The following TWF1 variants were observed in gnomAD, a reference collection of about 807,000 sequenced individuals.
TWF1 encodes twinfilin actin binding protein 1, also known as twinfilin-1.
Under a neutral mutation model 47.9 loss-of-function variants are expected in TWF1, and 14 were observed. The observed-to-expected ratio is 0.29, with a 90% CI of 0.19 to 0.46. The LOEUF (loss-of-function observed/expected upper bound fraction) is 0.46. Among genes scored for constraint, TWF1 ranks in the 20% least tolerant of loss-of-function variants. The probability of loss-of-function intolerance (pLI) is 1.00; values close to 1 mark genes in which losing one functional copy is unlikely to be tolerated. For synonymous variants in TWF1, 96 were observed against 139.2 expected (o/e 0.69, Z 2.18); for missense variants, 281 against 409.3 (o/e 0.69, Z 2.70).
chr12:43,805,476 C>G, intron 1 of TWF1: 1 of 450,056 alleles, frequency 2.2e-6, no homozygotes, highest in Non-Finnish European at 4.5e-6. Context: ...GTTAAGTGAT[C>G]GCGAGTAACC....
rs549321798 is a variant in TWF1 at position 43,801,027 on chromosome 12, C to T, written c.283-497G>A. On this transcript the variant is annotated intron_variant, in intron 3 of 8. Transcript: ENST00000395510. ...TCGGCTTCCCAAAGTTTAGGGATTA[C>T]AGGCATGAGCCACCGTGCCTGGCCA... 1.1e-4 allele frequency among the ~76,000 whole-genome samples: 17 copies of T among 152,266 alleles called. No homozygotes were observed. In the East Asian group the frequency reaches 2.5e-3, roughly 22 times the overall value.
chr12:43,806,094 G>A, intron 1 of TWF1, 127 bp downstream of exon 1: 1 of 1,519,872 alleles, frequency 6.6e-7, no homozygotes, highest in Non-Finnish European at 8.8e-7. Flanking sequence ...CCGAGGCCCG[G>A]CTCGCCCCGC....
chr12:43,800,434 C>A lies in TWF1; in HGVS notation c.378+1G>T. 1 of 1,608,816 alleles carries A rather than the reference C, an allele frequency of 6.2e-7. No homozygotes were observed. Among genetic ancestry groups the A allele is most frequent in the Non-Finnish European group, 8.5e-7 (1 of 1,176,710 alleles). The stretch of plus-strand genomic sequence containing the variant: ...ATAGAATCCACATACAAACATAATA[C>A]CTTTACTGTTCCAAATACTTCATCT... On this transcript the variant is annotated splice_donor_variant, in intron 4 of 8. Coordinates refer to ENST00000395510, the MANE Select transcript of TWF1 (RefSeq NM_002822.5). LOFTEE classifies it high-confidence loss of function.
At chr12:43,801,779 C>G (rs1465166583) in intron 3 of TWF1, among the ~76,000 whole-genome samples, 1 of 152,146 alleles carries the variant, frequency 6.6e-6, no homozygotes, top group Non-Finnish European at 1.5e-5. Flanking sequence ...CCTGTAATCC[C>G]AGCACTTTGG....
chr12:43,795,827 G>C, intron 8 of TWF1, 72 bp from the exon 9 acceptor site: 1 of 1,467,794 alleles, frequency 6.8e-7, no homozygotes, highest in Non-Finnish European at 9.4e-7. Flanking sequence ...TCAGGTATAT[G>C]AATGCTCACA....
At position 43,797,373 on chromosome 12, in the gene TWF1, G is replaced by A. The variant is rs1942572993; in HGVS notation, c.689C>T (p.Pro230Leu). 6.2e-7 allele frequency: 1 copy of A among 1,605,470 alleles called. No homozygotes were observed. The highest frequency in any genetic ancestry group is 8.5e-7 in the Non-Finnish European group (1 of 1,176,516). ...TELKDLPKRI[P>L]KDSARYHFFL... is the part of the protein sequence containing the mutation. The stretch of plus-strand genomic sequence containing the variant: ...GAAATGGTAACGAGCTGAATCCTTG[G>A]GAATCCTCTTTGGCAAATCTTTCAG... Residue 230 changes from proline (P) to leucine (L), a missense_variant, in exon 7 of 9, where the codon CCC (proline) becomes CTC (leucine). Physicochemically the swap from Pro to Leu is moderately conservative, Grantham distance 98 (BLOSUM62 -3). Transcript: ENST00000395510.
chr12:43,797,905 C>T (rs1942584350), intron 5 of TWF1, 72 bp from the exon 6 acceptor site: 1 of 1,496,740 alleles, frequency 6.7e-7, no homozygotes, highest in Non-Finnish European at 9.1e-7. Flanking sequence ...GAAAACCCAA[C>T]CTCTATAAAA....
intron 1 of TWF1, chr12:43,805,642 G>A (rs1942747345): frequency 1.7e-6 from 1 of 577,380 alleles, no homozygotes; most frequent in Admixed American, 2.3e-5. Context: ...GAGTATCTAG[G>A]AAAAAGATCA....
Position 43,794,997 on chromosome 12 carries a change from A to C in TWF1, c.*588T>G, listed in dbSNP as rs1942524439. On this transcript the variant is annotated 3_prime_UTR_variant, in exon 9 of 9. Coordinates refer to ENST00000395510, the MANE Select transcript of TWF1 (RefSeq NM_002822.5). ...ATATCTGGTACCCTTAAAGTTTCAGAGTGAGCTGATCTGCAATTTTAATGC... is the reference window on the plus strand; with the variant it reads ...ATATCTGGTACCCTTAAAGTTTCAGCGTGAGCTGATCTGCAATTTTAATGC... 1.3e-5 allele frequency: 2 copies of C among 152,200 alleles called. No homozygotes were observed. Among genetic ancestry groups the C allele is most frequent in the Non-Finnish European group, 2.9e-5 (2 of 68,030 alleles). The allele number at this position is 152,200 out of a possible 1,614,324, so 9.4% of individuals were successfully genotyped here. A position where few individuals can be genotyped will look rare whatever the true frequency, so the allele number is the denominator to read the frequency against.
rs1942581822 is a variant in TWF1, at chr12:43,797,806, T to C, written c.511A>G (p.Lys171Glu). ...EVQTDVGVDT[K>E]HQTLQGVAFP... ...GCTACTCCTTGTAGTGTTTGATGCT[T>C]AGTGTCCACACCCACGTCAGTCTGT... Residue 171 changes from lysine to glutamate, a missense_variant, in exon 6 of 9, where the codon AAG (lysine) becomes GAG (glutamate). Lys to Glu is a moderately conservative substitution (Grantham distance 56). Transcript: ENST00000395510. The C allele has an allele frequency of 6.2e-7, 1 of 1,613,304 alleles. No homozygotes were observed.
chr12:43,799,226 C>G, intron 5 of TWF1, among the ~76,000 whole-genome samples, 172 bp downstream of exon 5: 1 of 151,640 alleles, frequency 6.6e-6, no homozygotes, highest in South Asian at 2.1e-4. Flanking sequence ...TTCATTTTAA[C>G]TTTTTTTTTC....
At chr12:43,798,503 G>C in intron 5 of TWF1, 1 of 1,427,638 alleles carries the variant, frequency 7.0e-7, no homozygotes, top group Non-Finnish European at 9.2e-7. Flanking sequence ...AATGAATGGA[G>C]ATTCTACAGC....
At chr12:43,804,725 C>T (rs7972804) in intron 1 of TWF1, among the ~76,000 whole-genome samples, 153 bp from the exon 2 acceptor site, 5,978 of 152,156 alleles carry the variant, frequency 0.039, 142 homozygotes, top group African/African-American at 0.048. Context: ...CATAAAATAA[C>T]GAAGACTGTA....
intron 1 of TWF1, 130 bp from the exon 2 acceptor site, chr12:43,804,702 T>C: frequency 1.8e-6 from 1 of 564,022 alleles, no homozygotes. Flanking sequence ...ATCAGTATTA[T>C]AAAACTTTAC....
intron 1 of TWF1, 141 bp downstream of exon 1, chr12:43,806,080 G>A (rs1185795973): frequency 3.3e-6 from 5 of 1,518,194 alleles, no homozygotes; most frequent in Non-Finnish European, 4.4e-6. Context: ...AGCGCGGAGA[G>A]GCGCCGAGGC....
chr12:43,796,639 T>C (rs1323269559), intron 8 of TWF1, among the ~76,000 whole-genome samples: 1 of 152,088 alleles, frequency 6.6e-6, no homozygotes, highest in Non-Finnish European at 1.5e-5. Flanking sequence ...TTTGCACTGA[T>C]GGAAATGTCC....
In TWF1 at chr12:43,797,083, T is replaced by G. The variant is rs768716931; in HGVS notation, c.775A>C (p.Met259Leu). 1 of 1,594,936 alleles carries G rather than the reference T, an allele frequency of 6.3e-7. No individual in the cohort carries two copies. Among genetic ancestry groups the G allele is most frequent in the Non-Finnish European group, 8.5e-7 (1 of 1,172,864 alleles). Residue 259 changes from methionine to leucine, a missense_variant, in exon 8 of 9, where the codon ATG becomes CTG. Met to Leu is a conservative substitution (Grantham distance 15). Coordinates refer to ENST00000395510, the MANE Select transcript of TWF1 (RefSeq NM_002822.5). Reference protein sequence around the residue: ...YLESIVFIYSMPGYTCSIRER... With the variant: ...YLESIVFIYSLPGYTCSIRER... ...CTTATACTGCATGTGTATCCAGGCATTGAATAAATAAAAACTGTAAGTTCA... is the reference window on the plus strand; with the variant it reads ...CTTATACTGCATGTGTATCCAGGCAGTGAATAAATAAAAACTGTAAGTTCA...
At chr12:43,795,808 A>C in intron 8 of TWF1, 53 bp from the exon 9 acceptor site, 1 of 1,587,328 alleles carries the variant, frequency 6.3e-7, no homozygotes. Context: ...ACAAGCAACA[A>C]GCTGGTTTTC....
chr12:43,795,618 C>T lies in TWF1; in HGVS notation c.1020G>A (p.Arg340=), dbSNP rs763093378. The change falls in exon 9 of 9, where the codon AGG becomes AGA. Residue 340 remains arginine, a synonymous_variant. Transcript: ENST00000395510. ...AGKRGIRRLI[R]GPAETEATTD Reference sequence around the variant, plus strand: ...TAGTAGCTTCAGTTTCCGCTGGGCCCCTAATTAGTCTTCGAATTCCTCTTT... The same window carrying T: ...TAGTAGCTTCAGTTTCCGCTGGGCCTCTAATTAGTCTTCGAATTCCTCTTT... 1.3e-5 allele frequency: 21 copies of T among 1,612,138 alleles called. No homozygotes were observed. Among genetic ancestry groups the T allele is most frequent in the Non-Finnish European group, 1.7e-5 (20 of 1,179,844 alleles).
Sources: gnomAD v4.1 joint callset for allele counts (sites outside exome capture counted in the v4.1 genomes callset) on GRCh38, gnomAD v4.1.1 for gene constraint, MANE v1.5 for transcripts, NCBI Gene and HGNC (gene_info 2026-07-23, HGNC 2026-07-21) for gene names.